The following COG7 variants were observed in gnomAD, a reference collection of about 807,000 sequenced individuals.
The protein encoded by COG7 is conserved oligomeric Golgi complex subunit 7.
Under a neutral mutation model 91.5 loss-of-function variants are expected in COG7, and 49 were observed. The ratio of observed to expected loss-of-function variants is 0.54; its 90% CI spans 0.43 to 0.68. The LOEUF (loss-of-function observed/expected upper bound fraction) is 0.68. COG7 is among the 30% of genes least tolerant of loss of function. The pLI, the probability that COG7 is intolerant of heterozygous loss-of-function variation, is 0.00. For missense variants in COG7, 895 were observed against 961.3 expected (o/e 0.93, Z 0.91); for synonymous variants, 365 against 388.7 (o/e 0.94, Z 0.72).
At position 23,445,794 on chromosome 16, in the gene COG7, C is replaced by A; in HGVS notation, c.318+19G>T. 6.2e-7 allele frequency: 1 copy of A among 1,613,118 alleles called. No homozygotes were observed. Among genetic ancestry groups the A allele is most frequent in the Non-Finnish European group, 8.5e-7 (1 of 1,179,240 alleles). On this transcript the variant is annotated intron_variant, in intron 2 of 16. Transcript: ENST00000307149. ...CAAGAATCACCATTTACAACAGGAG[C>A]CAAAAGGAGCCAAAATACCTGCATG...
intron 6 of COG7, among the ~76,000 whole-genome samples, chr16:23,429,021 ACT>A (rs898798643): frequency 1.3e-4 from 20 of 150,664 alleles, no homozygotes; most frequent in African/African-American, 4.9e-4. Context: ...ACAGGGTCTC[ACT>A]CTGTCGCCCA....
At position 23,433,398 on chromosome 16, in the gene COG7, T is replaced by A. The variant is rs557117682; in HGVS notation, c.810+147A>T. On this transcript the variant is annotated intron_variant, in intron 6 of 16. Transcript: ENST00000307149. ...GAGCCACCGCACCCGGCCTAACTGGTTATTTTTTAACCCCTTGAATGACAG... is the reference window on the plus strand; with the variant it reads ...GAGCCACCGCACCCGGCCTAACTGGATATTTTTTAACCCCTTGAATGACAG... 1.0e-5 allele frequency: 11 copies of A among 1,062,752 alleles called. No individual in the cohort carries two copies. In the African/African-American group the frequency reaches 1.7e-4, roughly 16 times the overall value. 65.8% of individuals were successfully genotyped at this position (1,062,752 alleles called of 1,614,324 possible).
At chr16:23,405,229 T>C (rs1346732250) in intron 12 of COG7, among the ~76,000 whole-genome samples, 1 of 152,152 alleles carries the variant, frequency 6.6e-6, no homozygotes, top group Non-Finnish European at 1.5e-5. Context: ...CATGGTCCCA[T>C]GTGGAAGAAC....
intron 7 of COG7, among the ~76,000 whole-genome samples, chr16:23,420,838 G>A (rs1963743215): frequency 6.6e-6 from 1 of 151,752 alleles, no homozygotes; most frequent in African/African-American, 2.4e-5. Context: ...TGGCCTCCCA[G>A]GCTCAAGAGA....
chr16:23,445,244 A>G, intron 2 of COG7, 80 bp from the exon 3 acceptor site: 1 of 973,820 alleles, frequency 1.0e-6, no homozygotes. Context: ...AAATGTAAGT[A>G]TGGTGGCTTG....
At chr16:23,428,509 A>C (rs1963884228) in intron 6 of COG7, among the ~76,000 whole-genome samples, 1 of 152,094 alleles carries the variant, frequency 6.6e-6, no homozygotes, top group Non-Finnish European at 1.5e-5. Flanking sequence ...CAACATCCTT[A>C]GTCATCAGGG....
chr16:23,400,384 G>C (rs572701785), intron 13 of COG7, among the ~76,000 whole-genome samples: 2 of 152,264 alleles, frequency 1.3e-5, no homozygotes, highest in African/African-American at 4.8e-5. Context: ...CGGCAAAGAG[G>C]GGTGCAGCAA....
At chr16:23,437,120 G>A (rs959172993) in intron 4 of COG7, among the ~76,000 whole-genome samples, 2 of 152,090 alleles carry the variant, frequency 1.3e-5, no homozygotes, top group Non-Finnish European at 2.9e-5. Flanking sequence ...GCTCAAAAGC[G>A]CCATTTTCGC....
chr16:23,409,107 G>T (rs1456533170), intron 11 of COG7, among the ~76,000 whole-genome samples: 1 of 151,416 alleles, frequency 6.6e-6, no homozygotes, highest in Non-Finnish European at 1.5e-5. Flanking sequence ...GTGTGTGTGT[G>T]TGTGTGTGTA....
chr16:23,400,494 C>G (rs931741526), intron 13 of COG7, among the ~76,000 whole-genome samples: 1 of 152,174 alleles, frequency 6.6e-6, no homozygotes, highest in Non-Finnish European at 1.5e-5. Context: ...CGAAGACAAG[C>G]ACTGCTGCCA....
chr16:23,423,739 G>A (rs970880332), intron 7 of COG7, among the ~76,000 whole-genome samples: 6 of 152,218 alleles, frequency 3.9e-5, no homozygotes, highest in South Asian at 2.1e-4. Flanking sequence ...CACAGCCGCC[G>A]AACAGCAGAA....
chr16:23,425,808 A>G (rs1046845272), intron 6 of COG7, among the ~76,000 whole-genome samples: 1 of 152,230 alleles, frequency 6.6e-6, no homozygotes, highest in African/African-American at 2.4e-5. Context: ...CAACTTGCCT[A>G]GAACAACTGG....
intron 6 of COG7, among the ~76,000 whole-genome samples, chr16:23,428,878 A>G (rs1963890471): frequency 6.6e-6 from 1 of 151,876 alleles, no homozygotes; most frequent in Non-Finnish European, 1.5e-5. Flanking sequence ...TTTTTGGTAG[A>G]GACAGGCTTT....
chr16:23,425,528 C>T (rs538947734), intron 6 of COG7, among the ~76,000 whole-genome samples: 39 of 152,010 alleles, frequency 2.6e-4, no homozygotes, highest in South Asian at 1.2e-3. Context: ...TTTGTAGAGA[C>T]GGGGTCTCAC....
chr16:23,426,834 A>AAAAAAAAAAAAAAAAAAAG (rs1555495229), intron 6 of COG7, among the ~76,000 whole-genome samples: 1 of 146,060 alleles, frequency 6.8e-6, no homozygotes, highest in Admixed American at 6.8e-5. Context: ...AAAAAAAAAA[A>AAAAAAAAAAAAAAAAAAAG]AAAGAAAGAA....
intron 14 of COG7, among the ~76,000 whole-genome samples, chr16:23,396,905 G>A (rs1963292598): frequency 7.4e-6 from 1 of 134,556 alleles, no homozygotes; most frequent in Non-Finnish European, 1.7e-5. Flanking sequence ...TATACAACAT[G>A]TACTTTTTTC....
chr16:23,421,091 T>C (rs1478301347), intron 7 of COG7, among the ~76,000 whole-genome samples: 2 of 151,844 alleles, frequency 1.3e-5, no homozygotes, highest in South Asian at 2.1e-4. Flanking sequence ...ATGATTTCTT[T>C]TTCCTTCCTT....
intron 13 of COG7, among the ~76,000 whole-genome samples, chr16:23,400,741 G>A (rs1387050764): frequency 7.9e-5 from 12 of 152,150 alleles, no homozygotes; most frequent in East Asian, 3.8e-4. Flanking sequence ...AGGCTGAGGC[G>A]GGCGGATCAC....
chr16:23,445,646 G>A (rs1350218365), intron 2 of COG7, among the ~76,000 whole-genome samples, 167 bp downstream of exon 2: 1 of 151,796 alleles, frequency 6.6e-6, no homozygotes, highest in Non-Finnish European at 1.5e-5. Flanking sequence ...GCTACAGAGC[G>A]ACACTCTGTC....
Sources: gnomAD v4.1 joint callset for allele counts (sites outside exome capture counted in the v4.1 genomes callset) on GRCh38, gnomAD v4.1.1 for gene constraint, MANE v1.5 for transcripts, NCBI Gene and HGNC (gene_info 2026-07-23, HGNC 2026-07-21) for gene names.